RELB: variants seen among roughly 807,000 people sequenced by gnomAD.
RELB encodes transcription factor RelB.
A neutral mutation model predicts 55.4 loss-of-function variants in RELB; 14 were observed. The observed-to-expected ratio is 0.25, with a 90% CI of 0.17 to 0.40. The LOEUF is 0.40. Among genes scored for constraint, RELB ranks in the 10% least tolerant of loss-of-function variants. The pLI is 1.00. For synonymous variants in RELB, 409 were observed against 371.3 expected (o/e 1.10, Z -1.17); for missense variants, 669 against 830.7 (o/e 0.81, Z 2.39).
intron 4 of RELB, among the ~76,000 whole-genome samples, chr19:45,019,868 T>C (rs1971462046): frequency 6.6e-6 from 1 of 151,902 alleles, no homozygotes; most frequent in African/African-American, 2.4e-5. Context: ...GTAGAGACGG[T>C]GTTTCTCCAT....
intron 4 of RELB, among the ~76,000 whole-genome samples, chr19:45,017,307 T>A (rs1971430421): frequency 1.3e-5 from 2 of 152,018 alleles, no homozygotes; most frequent in South Asian, 4.1e-4. Context: ...AATTCTGGCT[T>A]CACTTGCTAT....
intron 2 of RELB, among the ~76,000 whole-genome samples, chr19:45,004,748 T>C (rs977881544): frequency 6.6e-6 from 1 of 151,800 alleles, no homozygotes; most frequent in Non-Finnish European, 1.5e-5. Flanking sequence ...ATGCCTGTAA[T>C]CCCAAATATT....
chr19:45,035,189 G>T (rs1307693773), intron 11 of RELB, among the ~76,000 whole-genome samples: 1 of 151,942 alleles, frequency 6.6e-6, no homozygotes, highest in Non-Finnish European at 1.5e-5. Flanking sequence ...AATAACAGGG[G>T]CTTCAACAGG....
chr19:45,037,482 C>T lies in RELB; in HGVS notation c.1432C>T (p.Pro478Ser). 6.2e-7 allele frequency: 1 copy of T among 1,611,062 alleles called. No individual in the cohort carries two copies. The highest frequency in any genetic ancestry group is 8.5e-7 in the Non-Finnish European group (1 of 1,179,372). The change falls in exon 12 of 12, where the codon CCC becomes TCC. Residue 478 changes from proline (P) to serine (S), a missense_variant. Pro to Ser is a moderately conservative substitution (Grantham distance 74). Coordinates refer to ENST00000221452, the MANE Select transcript of RELB (RefSeq NM_006509.4). The stretch of plus-strand genomic sequence containing the variant: ...CACCGTGTCCCTGCCCGGCCTGGAG[C>T]CCCCTGGCGGGCCTGACCTCCTGGA... ...SGTVSLPGLE[P>S]PGGPDLLDDG...
intron 4 of RELB, among the ~76,000 whole-genome samples, chr19:45,016,850 AAAACAAACAAAC>A (rs146566695): frequency 6.6e-6 from 1 of 151,866 alleles, no homozygotes; most frequent in African/African-American, 2.4e-5. Context: ...TCCTGTCTTA[AAAACAAACAAAC>A]AAACAAACAA....
intron 9 of RELB, among the ~76,000 whole-genome samples, chr19:45,033,859 A>T (rs555494012): frequency 0.01 from 1,571 of 151,086 alleles, 24 homozygotes; most frequent in African/African-American, 0.037. Flanking sequence ...CCATCTTTAA[A>T]AAAAAAAAAA....
intron 5 of RELB, 89 bp from the exon 6 acceptor site, chr19:45,025,239 CA>C (rs1292585032): frequency 1.2e-6 from 1 of 865,394 alleles, no homozygotes; most frequent in Non-Finnish European, 1.9e-6. Context: ...GCCTGAGCCC[CA>C]CAGCAGCATC....
chr19:45,017,466 A>G (rs1315892472), intron 4 of RELB, among the ~76,000 whole-genome samples: 1 of 149,768 alleles, frequency 6.7e-6, no homozygotes, highest in African/African-American at 2.4e-5. Context: ...AAAAAAAACA[A>G]TTCTGGAAAT....
intron 11 of RELB, among the ~76,000 whole-genome samples, chr19:45,035,681 C>A (rs1341182326): frequency 1.3e-5 from 2 of 151,966 alleles, no homozygotes; most frequent in African/African-American, 4.8e-5. Context: ...CAAAAATTAG[C>A]TGGATGTGGT....
intron 8 of RELB, among the ~76,000 whole-genome samples, chr19:45,030,023 C>T (rs1031818399): frequency 6.6e-6 from 1 of 151,650 alleles, no homozygotes; most frequent in African/African-American, 2.4e-5. Context: ...AAAAATTTAG[C>T]AGGTGTGGTA....
chr19:45,001,699 G>A lies in RELB; in HGVS notation c.106+14G>A. ...TGGGGGCCTTAGGTAAGCGGGGCTG[G>A]GGTTCAGGAGAGGGGTCTGGGGCGG... On this transcript the variant is annotated intron_variant, in intron 1 of 11. Coordinates refer to ENST00000221452, the MANE Select transcript of RELB (RefSeq NM_006509.4). 1 of 1,499,154 alleles carries A rather than the reference G, an allele frequency of 6.7e-7. No individual in the cohort carries two copies. The highest frequency in any genetic ancestry group is 8.9e-7 in the Non-Finnish European group (1 of 1,122,826). The allele number at this position is 1,499,154 out of a possible 1,614,324, so 92.9% of individuals were successfully genotyped here.
At chr19:45,023,696 CCA>C (rs1971519954) in intron 5 of RELB, among the ~76,000 whole-genome samples, 1 of 150,946 alleles carries the variant, frequency 6.6e-6, no homozygotes, top group African/African-American at 2.4e-5. Flanking sequence ...CCTCGGCCTC[CCA>C]AAGTGCTGGG....
In RELB at chr19:45,025,638, A is replaced by G; in HGVS notation, c.787A>G (p.Met263Val). The change falls in exon 7 of 12, where the codon ATG becomes GTG. Residue 263 changes from methionine (M) to valine (V), a missense_variant. Around this residue, in one of 3 missense-constraint regions of RELB, gnomAD observed 5 missense variants for 25.4 expected, o/e 0.20. Coordinates refer to ENST00000221452, the MANE Select transcript of RELB (RefSeq NM_006509.4). ...GSLKNHQEVD[M>V]NVVRICFQAS... The stretch of plus-strand genomic sequence containing the variant: ...CCTGAAGAACCATCAGGAAGTAGAC[A>G]TGAATGTGGTGAGGATCTGCTTCCA... 6.2e-7 allele frequency: 1 copy of G among 1,613,952 alleles called. No homozygotes were observed. The highest frequency in any genetic ancestry group is 8.5e-7 in the Non-Finnish European group (1 of 1,179,882).
chr19:45,002,066 G>C, intron 1 of RELB, among the ~76,000 whole-genome samples: 1 of 136,810 alleles, frequency 7.3e-6, no homozygotes. Context: ...GGCCGGGCCT[G>C]ACTCAAAAAA....
chr19:45,037,603 G>T lies in RELB; in HGVS notation c.1553G>T (p.Ser518Ile). The T allele has an allele frequency of 6.2e-7, 1 of 1,607,386 alleles. No homozygotes were observed. The highest frequency in any genetic ancestry group is 1.1e-5 in the South Asian group (1 of 90,684). The stretch of plus-strand genomic sequence containing the variant: ...CCACACGCTAGCGCTGTTGTGTGCA[G>T]CGGAGGTGCCGGGGCCGTGGTTGGG... ...APPHASAVVC[S>I]GGAGAVVGET... Residue 518 changes from serine to isoleucine, a missense_variant, in exon 12 of 12, where the codon AGC becomes ATC. This residue lies in a region of RELB where 341 missense variants were observed against 436.8 expected (regional missense o/e 0.78). Coordinates refer to ENST00000221452, the MANE Select transcript of RELB (RefSeq NM_006509.4).
chr19:45,011,544 C>T (rs561692020), intron 3 of RELB, among the ~76,000 whole-genome samples: 32 of 152,012 alleles, frequency 2.1e-4, no homozygotes, highest in African/African-American at 5.1e-4. Flanking sequence ...GCAGTGTCCG[C>T]CTCCTGGGTT....
intron 4 of RELB, among the ~76,000 whole-genome samples, chr19:45,019,679 G>T (rs577376357): frequency 5.9e-5 from 9 of 152,028 alleles, no homozygotes; most frequent in Non-Finnish European, 8.8e-5. Context: ...ATGTATTTAT[G>T]TATTTATTTA....
In RELB at chr19:45,033,505, C is replaced by A. The variant is rs373993642; in HGVS notation, c.1208-739C>A. On this transcript the variant is annotated intron_variant, in intron 9 of 11. Coordinates refer to ENST00000221452, the MANE Select transcript of RELB (RefSeq NM_006509.4). ...TTCGAGACCAGCCTGAACAACATGG[C>A]GAAACCCCGTCTCTACTAAAAATAC... is the stretch of plus-strand genomic sequence containing the variant. Among the ~76,000 whole-genome samples the A allele has an allele frequency of 2.6e-4, 39 of 150,334 alleles. 1 individual carries two copies. The highest frequency in any genetic ancestry group is 2.2e-3 in the East Asian group (11 of 4,912).
intron 4 of RELB, among the ~76,000 whole-genome samples, chr19:45,020,225 C>CTT (rs1165992006): frequency 3.5e-5 from 5 of 144,398 alleles, no homozygotes; most frequent in Non-Finnish European, 1.5e-5. Context: ...CTCTCTCTCT[C>CTT]TTTTTTTTTT....
Sources: gnomAD v4.1 joint callset for allele counts (sites outside exome capture counted in the v4.1 genomes callset) on GRCh38, gnomAD v4.1.1 for gene constraint, gnomAD v4.1.1 regional missense constraint, MANE v1.5 for transcripts, NCBI Gene and HGNC (gene_info 2026-07-23, HGNC 2026-07-21) for gene names.